KIF1B: variants seen among roughly 807,000 people sequenced by gnomAD.
KIF1B encodes the protein kinesin-like protein KIF1B.
Under a neutral mutation model 241.9 loss-of-function variants are expected in KIF1B, and 76 were observed. The observed-to-expected ratio is 0.31, with a 90% CI of 0.26 to 0.38. KIF1B has a LOEUF of 0.38. Ranked by LOEUF, KIF1B falls within the 10% of genes least tolerant of loss-of-function variation. The pLI, the probability that KIF1B is intolerant of heterozygous loss-of-function variation, is 1.00. For synonymous variants in KIF1B, 750 were observed against 796.7 expected, an observed-to-expected ratio of 0.94 and a Z score of 0.99; for missense variants, 1,622 against 2,271.4, an observed-to-expected ratio of 0.71 and a Z score of 5.81.
In KIF1B at chr1:10,303,411, G is replaced by C; in HGVS notation, c.2115+6165G>C. 1 of 1,614,220 alleles carries C rather than the reference G, an allele frequency of 6.2e-7. No individual in the cohort carries two copies. Among genetic ancestry groups the C allele is most frequent in the East Asian group, 2.2e-5 (1 of 44,892 alleles). ...ATCTTAAAATTCAGGCTGTCAAAGAGATTTGCTATGAGGTTGCTCTCAATG... is the reference window on the plus strand; with the variant it reads ...ATCTTAAAATTCAGGCTGTCAAAGACATTTGCTATGAGGTTGCTCTCAATG... On this transcript the variant is annotated intron_variant, in intron 22 of 48. Transcript: ENST00000676179. The surrounding 1 kb of genome is among the most constrained non-coding windows in gnomAD (Gnocchi z 5.2).
intron 15 of KIF1B, among the ~76,000 whole-genome samples, chr1:10,284,855 C>A (rs1649610467): frequency 6.6e-6 from 1 of 151,010 alleles, no homozygotes; most frequent in Non-Finnish European, 1.5e-5. Context: ...GAGTGAGACT[C>A]CATCTCAAAA....
At chr1:10,234,681 C>T (rs1647027572) in intron 2 of KIF1B, among the ~76,000 whole-genome samples, 1 of 151,796 alleles carries the variant, frequency 6.6e-6, no homozygotes, top group Admixed American at 6.6e-5. Context: ...GCCACTATGC[C>T]TGGCTAGTTT....
At chr1:10,302,003 A>C (rs1349965982) in intron 22 of KIF1B, among the ~76,000 whole-genome samples, 2 of 152,206 alleles carry the variant, frequency 1.3e-5, no homozygotes, top group African/African-American at 4.8e-5. Context: ...ATACCTTTTA[A>C]AGTGGATCAA....
intron 27 of KIF1B, among the ~76,000 whole-genome samples, chr1:10,328,964 T>A (rs1231499247): frequency 6.6e-6 from 1 of 152,250 alleles, no homozygotes; most frequent in Non-Finnish European, 1.5e-5. Flanking sequence ...GCATTTGTAT[T>A]TTGAGGAAGT....
chr1:10,347,045 G>C (rs965381028), intron 35 of KIF1B, among the ~76,000 whole-genome samples: 2 of 152,192 alleles, frequency 1.3e-5, no homozygotes, highest in Non-Finnish European at 1.5e-5. Flanking sequence ...ACTCTGTCTC[G>C]ATGAGCTGAG....
chr1:10,351,097 T>G (rs1453996755), intron 37 of KIF1B, among the ~76,000 whole-genome samples: 2 of 149,740 alleles, frequency 1.3e-5, no homozygotes, highest in Middle Eastern at 3.5e-3. Context: ...AAAAGAATCG[T>G]TGGAAGGGAG....
rs1417200734 is a variant in KIF1B at position 10,365,618 on chromosome 1, G to A, written c.4722G>A (p.Leu1574=). The change falls in exon 43 of 49, where the codon CTG becomes CTA. Residue 1574 remains leucine (L), a synonymous_variant. Transcript: ENST00000676179. The surrounding 1 kb of genome is among the most constrained non-coding windows in gnomAD (Gnocchi z 4.0). ...ATGATTCAGGAGACATCGAAAGCCTGGTGGACCGAGAGAAAGAGCTGGCTA... is the reference window on the plus strand; with the variant it reads ...ATGATTCAGGAGACATCGAAAGCCTAGTGGACCGAGAGAAAGAGCTGGCTA... ...SGYDSGDIES[L]VDREKELATK... is the part of the protein sequence containing the mutation. 6 of 1,614,022 alleles carry A rather than the reference G, an allele frequency of 3.7e-6. No homozygotes were observed. The African/African-American group carries it at 4.0e-5, about 11-fold the overall frequency.
At chr1:10,260,975 TTTC>T (rs1192393375) in intron 4 of KIF1B, among the ~76,000 whole-genome samples, 6 of 152,012 alleles carry the variant, frequency 3.9e-5, no homozygotes, top group Non-Finnish European at 7.4e-5. Flanking sequence ...TAATTTTTTT[TTTC>T]TTTCTTGAGA....
intron 19 of KIF1B, 58 bp from the exon 20 acceptor site, chr1:10,296,524 C>T (rs764559807): frequency 9.3e-6 from 13 of 1,402,480 alleles, no homozygotes; most frequent in Non-Finnish European, 1.3e-5. Flanking sequence ...AACTGCTTTC[C>T]ATTATTTGAT....
intron 5 of KIF1B, among the ~76,000 whole-genome samples, chr1:10,263,270 CA>C (rs796479599): frequency 2.9e-5 from 4 of 139,702 alleles, no homozygotes; most frequent in Non-Finnish European, 3.2e-5. Flanking sequence ...GAGTCTGTCT[CA>C]AAAAAAAAAT....
At chr1:10,262,356 C>A (rs961626141) in intron 5 of KIF1B, among the ~76,000 whole-genome samples, 9 of 152,098 alleles carry the variant, frequency 5.9e-5, no homozygotes, top group Non-Finnish European at 1.5e-5. Flanking sequence ...CCCTATGTTG[C>A]CCAGGTTGGT....
rs1571108250 is a variant in KIF1B, at chr1:10,232,272, A to C, written c.-57A>C. The C allele has an allele frequency of 7.4e-7, 1 of 1,352,868 alleles. No individual in the cohort carries two copies. Among genetic ancestry groups the C allele is most frequent in the East Asian group, 2.3e-5 (1 of 42,578 alleles). The allele number at this position is 1,352,868 out of a possible 1,614,324, so 83.8% of individuals were successfully genotyped here. A position where few individuals can be genotyped will look rare whatever the true frequency, so the allele number is the denominator to read the frequency against. On this transcript the variant is annotated 5_prime_UTR_variant, in exon 2 of 49. Transcript: ENST00000676179. ...AAGGAAACTTGGCTGTAACTTCAAA[A>C]GAAGATTTGATTCTTTATTTCTGGA...
chr1:10,301,066 G>A (rs1650518175), intron 22 of KIF1B, among the ~76,000 whole-genome samples: 1 of 152,172 alleles, frequency 6.6e-6, no homozygotes, highest in Admixed American at 6.5e-5. Flanking sequence ...CAGGTGTGAT[G>A]ATGTGTGCCT....
chr1:10,250,725 C>T (rs1432283523), intron 2 of KIF1B, among the ~76,000 whole-genome samples: 1 of 152,094 alleles, frequency 6.6e-6, no homozygotes, highest in Non-Finnish European at 1.5e-5. Context: ...ACTTGGGAGG[C>T]AGAGGTGAGA....
At chr1:10,234,983 G>A (rs914944209) in intron 2 of KIF1B, among the ~76,000 whole-genome samples, 3 of 151,308 alleles carry the variant, frequency 2.0e-5, no homozygotes, top group Non-Finnish European at 2.9e-5. Flanking sequence ...TCTGCCTCTC[G>A]GGTTCAAGCG....
chr1:10,251,882 CT>C (rs948295063), intron 2 of KIF1B, among the ~76,000 whole-genome samples: 1 of 152,042 alleles, frequency 6.6e-6, no homozygotes, highest in Non-Finnish European at 1.5e-5. Flanking sequence ...GAGGGCATGC[CT>C]TGTGTCATCA....
chr1:10,331,377 T>TA (rs1651915798), intron 27 of KIF1B, among the ~76,000 whole-genome samples: 1 of 152,224 alleles, frequency 6.6e-6, no homozygotes. Flanking sequence ...TTTTCATTCT[T>TA]ACGTTTTTTT....
chr1:10,339,624 G>T (rs921876891), intron 31 of KIF1B, 145 bp from the exon 32 acceptor site: 4 of 732,648 alleles, frequency 5.5e-6, no homozygotes, highest in Non-Finnish European at 9.3e-6. Flanking sequence ...TATGGAAAAG[G>T]TTCTTGACAA....
intron 16 of KIF1B, 69 bp from the exon 17 acceptor site, chr1:10,291,978 C>A (rs1650021885): frequency 1.5e-6 from 2 of 1,346,856 alleles, no homozygotes; most frequent in Non-Finnish European, 2.1e-6. Context: ...CTTTATTTTC[C>A]AATTCATATT....
Sources: gnomAD v4.1 joint callset for allele counts (sites outside exome capture counted in the v4.1 genomes callset) on GRCh38, gnomAD v4.1.1 for gene constraint, Gnocchi (gnomAD v3.1) non-coding constraint, MANE v1.5 for transcripts, NCBI Gene and HGNC (gene_info 2026-07-23, HGNC 2026-07-21) for gene names.